BICD1: variants seen among roughly 807,000 people sequenced by gnomAD.
BICD1 encodes protein bicaudal D homolog 1.
In BICD1, 35 loss-of-function variants were observed where a neutral mutation model predicts 92.5. The ratio of observed to expected loss-of-function variants is 0.38; its 90% confidence interval spans 0.29 to 0.50. BICD1 has a LOEUF of 0.50. Among genes scored for constraint, BICD1 ranks in the 20% least tolerant of loss-of-function variants. The pLI is 0.93. For synonymous variants in BICD1, 429 were observed against 465.1 expected (o/e 0.92, Z 1.00); for missense variants, 950 against 1,189.8 (o/e 0.80, Z 2.97).
At chr12:32,288,033 A>G (rs1192967726) in intron 2 of BICD1, among the ~76,000 whole-genome samples, 3 of 152,136 alleles carry the variant, frequency 2.0e-5, no homozygotes, top group Non-Finnish European at 4.4e-5. Context: ...AGACAGCAAG[A>G]GCATGAGCCA....
At chr12:32,279,665 C>T (rs1273053931) in intron 2 of BICD1, among the ~76,000 whole-genome samples, 2 of 152,222 alleles carry the variant, frequency 1.3e-5, no homozygotes, top group African/African-American at 4.8e-5. Flanking sequence ...TTTGAAGTGA[C>T]ACTGAAATGT....
intron 4 of BICD1, among the ~76,000 whole-genome samples, chr12:32,317,569 G>A (rs1171629891): frequency 2.0e-5 from 3 of 152,026 alleles, no homozygotes; most frequent in African/African-American, 4.8e-5. Context: ...TTTTTTTCTT[G>A]TAAATTTGTA....
rs200029154 is a variant in BICD1, at chr12:32,247,236, C to CAAAAA, written c.426+30789_426+30793dup. Among the ~76,000 whole-genome samples the CAAAAA allele has an allele frequency of 1.6e-3, 212 of 135,148 alleles. 2 individuals carry two copies. Among genetic ancestry groups the CAAAAA allele is most frequent in the East Asian group, 6.0e-3 (28 of 4,640 alleles). The allele number at this position is 135,148 out of a possible 152,430, so 88.7% of individuals were successfully genotyped here. On this transcript the variant is annotated intron_variant, in intron 2 of 9. Coordinates refer to ENST00000652176, the MANE Select transcript of BICD1 (RefSeq NM_001714.4). ...TGGATGACAGAGCGAGACCCTGTAT[C>CAAAAA]AAAAAAAAAAAAAAAATGCCTATTA...
rs571388565 is a variant in BICD1, at chr12:32,377,878, A to T, written c.*251A>T. The T allele has an allele frequency of 8.2e-6, 3 of 364,662 alleles. No individual in the cohort carries two copies. Among genetic ancestry groups the T allele is most frequent in the South Asian group, 5.3e-5 (1 of 18,704 alleles). The allele number at this position is 364,662 out of a possible 1,614,324, so 22.6% of individuals were successfully genotyped here. A position where few individuals can be genotyped will look rare whatever the true frequency, so the allele number is the denominator to read the frequency against. On this transcript the variant is annotated 3_prime_UTR_variant, in exon 10 of 10. Transcript: ENST00000652176. ...AAATGGCTACAGTTCATTTAAATTTAAAAAAAAGAAAAAAGAAACAGAAAA... is the reference window on the plus strand; with the variant it reads ...AAATGGCTACAGTTCATTTAAATTTTAAAAAAAGAAAAAAGAAACAGAAAA...
intron 1 of BICD1, among the ~76,000 whole-genome samples, chr12:32,168,551 C>T (rs1031464781): frequency 1.3e-5 from 2 of 152,190 alleles, no homozygotes; most frequent in Non-Finnish European, 1.5e-5. Flanking sequence ...GTCCTAACAG[C>T]GGTCGATCAC....
intron 8 of BICD1, among the ~76,000 whole-genome samples, chr12:32,355,732 G>A (rs1032215065): frequency 6.6e-6 from 1 of 151,964 alleles, no homozygotes; most frequent in Non-Finnish European, 1.5e-5. Context: ...AACCTGGGAG[G>A]TGAAGATTGC....
At chr12:32,153,807 AATAC>A (rs1425600579) in intron 1 of BICD1, among the ~76,000 whole-genome samples, 4 of 150,422 alleles carry the variant, frequency 2.7e-5, no homozygotes, top group African/African-American at 9.8e-5. Context: ...GTATATATGT[AATAC>A]ATATATATTA....
rs1029833081 is a variant in BICD1, at chr12:32,328,755, G to A, written c.2100+200G>A. Among the ~76,000 whole-genome samples the A allele has an allele frequency of 2.0e-5, 3 of 152,150 alleles. No homozygotes were observed. Among genetic ancestry groups the A allele is most frequent in the Non-Finnish European group, 4.4e-5 (3 of 68,030 alleles). On this transcript the variant is annotated intron_variant, in intron 5 of 9. Coordinates refer to ENST00000652176, the MANE Select transcript of BICD1 (RefSeq NM_001714.4). The surrounding 1 kb of genome is among the most constrained non-coding windows in gnomAD (Gnocchi z 4.4). ...TGATGAAATACCTGTGCCCAGTTAG[G>A]TGGAGGCAGAGGTGAGGAACTTAAA...
At chr12:32,247,720 G>A (rs991191892) in intron 2 of BICD1, among the ~76,000 whole-genome samples, 6 of 152,114 alleles carry the variant, frequency 3.9e-5, no homozygotes, top group Non-Finnish European at 7.4e-5. Context: ...GTTGAACTGT[G>A]AGGCAGAGGT....
rs201825812 is a variant in BICD1 at position 32,107,418 on chromosome 12, C to G, written c.87C>G (p.His29Gln). The G allele has an allele frequency of 4.2e-5, 67 of 1,612,050 alleles. No individual in the cohort carries two copies. The highest frequency in any genetic ancestry group is 6.7e-5 in the Admixed American group (4 of 59,678). ...RLTKELTETT[H>Q]EKIQAAEYGL... ...CCAAGGAGCTCACGGAGACCACCCA[C>G]GAGAAGATCCAGGCTGCCGAGTACG... The change falls in exon 1 of 10, where the codon CAC becomes CAG. Residue 29 changes from histidine (H) to glutamine (Q), a missense_variant. By Grantham distance (24) the His-to-Gln change is conservative. Transcript: ENST00000652176.
intron 1 of BICD1, among the ~76,000 whole-genome samples, chr12:32,116,255 A>C (rs998489471): frequency 1.1e-4 from 17 of 151,890 alleles, no homozygotes; most frequent in African/African-American, 4.1e-4. Flanking sequence ...TTACATTTCA[A>C]ATTCATTCAA....
rs1592725125 is a variant in BICD1 at position 32,366,458 on chromosome 12, A to G, written c.2765-1212A>G. Among the ~76,000 whole-genome samples, 6 of 152,304 alleles carry G rather than the reference A, an allele frequency of 3.9e-5. No individual in the cohort carries two copies. The South Asian group carries it at 1.2e-3, about 32-fold the overall frequency. ...AATATGGTGAAACCCTGTCTCTACT[A>G]AAAATACAAAATTAGCCGGGTGTGG... On this transcript the variant is annotated intron_variant, in intron 8 of 9. Transcript: ENST00000652176.
intron 2 of BICD1, among the ~76,000 whole-genome samples, chr12:32,217,345 T>C (rs2121556070): frequency 6.6e-6 from 1 of 152,358 alleles, no homozygotes; most frequent in African/African-American, 2.4e-5. Context: ...GAAAATATTC[T>C]TCAATATTGT....
intron 1 of BICD1, among the ~76,000 whole-genome samples, chr12:32,202,956 AC>A (rs1202659338): frequency 6.6e-6 from 1 of 152,068 alleles, no homozygotes; most frequent in Admixed American, 6.6e-5. Flanking sequence ...GATGTCAGGT[AC>A]CCCTTTTTTC....
At chr12:32,263,513 T>A (rs7309002) in intron 2 of BICD1, among the ~76,000 whole-genome samples, 8,053 of 148,476 alleles carry the variant, frequency 0.054, 708 homozygotes, top group African/African-American at 0.19. Flanking sequence ...GCCACTGCAC[T>A]CCAGCCTGGG....
intron 4 of BICD1, among the ~76,000 whole-genome samples, chr12:32,316,858 T>C (rs959502562): frequency 3.9e-5 from 6 of 152,062 alleles, no homozygotes; most frequent in African/African-American, 1.2e-4. Context: ...CTCCCCACTC[T>C]CCCCACCCCA....
At chr12:32,368,388 A>C (rs1939605795) in intron 9 of BICD1, among the ~76,000 whole-genome samples, 1 of 152,150 alleles carries the variant, frequency 6.6e-6, no homozygotes, top group East Asian at 1.9e-4. Flanking sequence ...AAACACAGTA[A>C]AATAAAACTT....
chr12:32,257,158 A>G (rs1173514145), intron 2 of BICD1, among the ~76,000 whole-genome samples: 2 of 142,960 alleles, frequency 1.4e-5, no homozygotes, highest in Non-Finnish European at 3.0e-5. Flanking sequence ...GGTTGCAGTG[A>G]GCAGAGATGG....
intron 9 of BICD1, 159 bp downstream of exon 9, chr12:32,367,904 C>T: frequency 1.5e-6 from 1 of 650,600 alleles, no homozygotes; most frequent in Non-Finnish European, 2.7e-6. Flanking sequence ...CCTGCAGTCC[C>T]TGCGTTCCCA....
Sources: allele counts gnomAD v4.1 joint callset (sites outside exome capture counted in the v4.1 genomes callset), GRCh38; gene constraint gnomAD v4.1.1; non-coding constraint Gnocchi (gnomAD v3.1); transcripts MANE v1.5; gene names NCBI Gene and HGNC (gene_info 2026-07-23, HGNC 2026-07-21).